Variants in UBR3 observed in about 807,000 individuals in gnomAD.
UBR3 encodes the protein E3 ubiquitin-protein ligase UBR3.
Under a neutral mutation model 243.2 loss-of-function variants are expected in UBR3, and 85 were observed. That is an observed-to-expected ratio of 0.35 (90% confidence interval 0.29 to 0.42). The LOEUF (loss-of-function observed/expected upper bound fraction) is 0.42. UBR3 is among the 10% of genes least tolerant of loss of function. The probability of loss-of-function intolerance (pLI) is 1.00; values close to 1 mark genes in which losing one functional copy is unlikely to be tolerated. For synonymous variants in UBR3, 748 were observed against 799.8 expected, an observed-to-expected ratio of 0.94 and a Z score of 1.09; for missense variants, 1,686 against 2,300.8, an observed-to-expected ratio of 0.73 and a Z score of 5.47.
chr2:169,978,973 A>T (rs1045559747), intron 24 of UBR3, among the ~76,000 whole-genome samples: 2 of 152,184 alleles, frequency 1.3e-5, no homozygotes, highest in East Asian at 3.8e-4. Flanking sequence ...AGAGAATGAA[A>T]TGATAAGCCA....
Position 170,079,978 on chromosome 2 carries a change from G to C in UBR3, c.5364G>C (p.Leu1788=). The C allele has an allele frequency of 6.2e-7, 1 of 1,614,036 alleles. No individual in the cohort carries two copies. The highest frequency in any genetic ancestry group is 8.5e-7 in the Non-Finnish European group (1 of 1,179,964). ...TTGTGTGTGGTACTTTTGTATGCCT[G>C]AAAGGACTTTGCTGCAAGCAACAAA... ...VCLVCGTFVC[L]KGLCCKQQSY... The change falls in exon 37 of 39, where the codon CTG becomes CTC. Residue 1788 remains leucine (L), a synonymous_variant. Transcript: ENST00000272793.
At position 170,067,143 on chromosome 2, in the gene UBR3, A is replaced by G. The variant is rs988061030; in HGVS notation, c.5019+5700A>G. Among the ~76,000 whole-genome samples, 4 of 152,036 alleles carry G rather than the reference A, an allele frequency of 2.6e-5. 1 individual carries two copies. The highest frequency in any genetic ancestry group is 7.2e-5 in the African/African-American group (3 of 41,420). ...CATTTAGTTTGAACCCTGACCCTAC[A>G]CTGTTAACATCTGGACCCAGGCTAT... On this transcript the variant is annotated intron_variant, in intron 35 of 38. Transcript: ENST00000272793.
intron 35 of UBR3, among the ~76,000 whole-genome samples, chr2:170,062,999 T>C (rs187838320): frequency 1.3e-5 from 2 of 152,300 alleles, no homozygotes; most frequent in Non-Finnish European, 1.5e-5. Context: ...ATTTGGACCA[T>C]TGAAAGATGT....
chr2:169,952,700 A>C (rs2087093134), intron 23 of UBR3, among the ~76,000 whole-genome samples: 1 of 152,154 alleles, frequency 6.6e-6, no homozygotes, highest in South Asian at 2.1e-4. Context: ...TCTCAAAAAA[A>C]AAAGTTTGTT....
intron 35 of UBR3, among the ~76,000 whole-genome samples, chr2:170,068,400 A>C (rs1209689092): frequency 6.6e-6 from 1 of 152,128 alleles, no homozygotes; most frequent in African/African-American, 2.4e-5. Flanking sequence ...CTTTGGAGGC[A>C]GAAGTTGCAG....
In UBR3 at chr2:169,905,151, A is replaced by G. The variant is rs920220672; in HGVS notation, c.1503A>G (p.Gly501=). ...ENSLHVVVNC[G]EALLKNNTYW... The stretch of plus-strand genomic sequence containing the variant: ...GTTTACATGTGGTAGTGAACTGTGG[A>G]GAAGCATTACTGAAGAATAACACTT... The change falls in exon 9 of 39, where the codon GGA becomes GGG. Residue 501 remains glycine, a synonymous_variant. Transcript: ENST00000272793. 1.1e-4 allele frequency: 164 copies of G among 1,537,872 alleles called. No individual in the cohort carries two copies. Among genetic ancestry groups the G allele is most frequent in the Non-Finnish European group, 1.4e-4 (157 of 1,141,254 alleles).
chr2:169,879,604 T>C (rs1488563812), intron 5 of UBR3, among the ~76,000 whole-genome samples: 1 of 152,202 alleles, frequency 6.6e-6, no homozygotes, highest in East Asian at 1.9e-4. Flanking sequence ...TCTTAACTTC[T>C]TCATGTCTAC....
chr2:169,839,383 G>C (rs536318208), intron 1 of UBR3, among the ~76,000 whole-genome samples: 11 of 152,180 alleles, frequency 7.2e-5, no homozygotes, highest in African/African-American at 2.4e-4. Context: ...GGAGGAGGGG[G>C]ATAAAGATAA....
intron 1 of UBR3, 132 bp downstream of exon 1, chr2:169,828,184 G>A: frequency 9.1e-7 from 1 of 1,103,234 alleles, no homozygotes; most frequent in Non-Finnish European, 1.2e-6. Context: ...GCCACAGGGG[G>A]ATGGAGGTGA....
intron 32 of UBR3, among the ~76,000 whole-genome samples, chr2:170,055,250 T>C (rs1053102874): frequency 1.3e-5 from 2 of 152,186 alleles, no homozygotes; most frequent in Non-Finnish European, 2.9e-5. Context: ...AGGTCGAGGC[T>C]TCAGTAAACT....
At chr2:169,937,042 T>C (rs2086365884) in intron 19 of UBR3, among the ~76,000 whole-genome samples, 2 of 152,194 alleles carry the variant, frequency 1.3e-5, no homozygotes, top group South Asian at 4.1e-4. Flanking sequence ...TACCCAGTAA[T>C]AGGATGGCTG....
Position 170,062,162 on chromosome 2 carries a change from T to C in UBR3, c.5019+719T>C, listed in dbSNP as rs183121188. ...TTGTAGCCAGTTGTATTAAAATGGG[T>C]GAATGAATTATCACTGGTTTAATCT... On this transcript the variant is annotated intron_variant, in intron 35 of 38. Transcript: ENST00000272793. Among the ~76,000 whole-genome samples, 327 of 152,294 alleles carry C rather than the reference T, an allele frequency of 2.1e-3. 4 individuals carry two copies. Among genetic ancestry groups the C allele is most frequent in the Non-Finnish European group, 1.2e-3 (79 of 68,028 alleles).
chr2:170,041,871 T>G (rs1401602546), intron 32 of UBR3, among the ~76,000 whole-genome samples: 4 of 152,214 alleles, frequency 2.6e-5, no homozygotes, highest in African/African-American at 7.2e-5. Flanking sequence ...AATTATGACA[T>G]TCTGTAAAAA....
chr2:170,077,085 T>G (rs1338122936), intron 36 of UBR3: 1 of 383,858 alleles, frequency 2.6e-6, no homozygotes, highest in Non-Finnish European at 5.0e-6. Context: ...GAATTTTTTT[T>G]TCCATTTTAA....
intron 30 of UBR3, 23 bp from the exon 31 acceptor site, chr2:170,029,323 T>G (rs2090609893): frequency 1.9e-6 from 3 of 1,573,262 alleles, no homozygotes; most frequent in Non-Finnish European, 2.6e-6. Flanking sequence ...ACTTTCTAAT[T>G]ACCTTTTCTT....
chr2:170,055,515 T>A lies in UBR3; in HGVS notation c.4716T>A (p.Leu1572=). ...VLFTLLYTQA[L]AALSVKCSEE... ...TTACCCTACTGTACACACAGGCTCT[T>A]GCAGCACTCTCAGTTAAATGCAGCG... The change falls in exon 33 of 39, where the codon CTT becomes CTA. Residue 1572 remains leucine, a synonymous_variant. Coordinates refer to ENST00000272793, the MANE Select transcript of UBR3 (RefSeq NM_172070.4). 2 of 1,613,878 alleles carry A rather than the reference T, an allele frequency of 1.2e-6. No individual in the cohort carries two copies. Among genetic ancestry groups the A allele is most frequent in the East Asian group, 4.5e-5 (2 of 44,870 alleles).
intron 17 of UBR3, among the ~76,000 whole-genome samples, chr2:169,927,823 GT>G (rs1358607498): frequency 6.6e-6 from 1 of 152,046 alleles, no homozygotes; most frequent in Non-Finnish European, 1.5e-5. Context: ...CATTTTGAGG[GT>G]TTTTCTGTAG....
chr2:170,018,322 TA>T (rs776505796), intron 30 of UBR3, among the ~76,000 whole-genome samples: 15 of 152,228 alleles, frequency 9.9e-5, no homozygotes, highest in Non-Finnish European at 1.9e-4. Context: ...GGATACCAGT[TA>T]GCTCTTCTTT....
At chr2:169,939,434 ATTT>A (rs35441817) in intron 19 of UBR3, among the ~76,000 whole-genome samples, 1 of 141,568 alleles carries the variant, frequency 7.1e-6, no homozygotes. Context: ...AATTTTTTGT[ATTT>A]TTTTTTTTTT....
Sources: gnomAD v4.1 joint callset for allele counts (sites outside exome capture counted in the v4.1 genomes callset) on GRCh38, gnomAD v4.1.1 for gene constraint, MANE v1.5 for transcripts, NCBI Gene and HGNC (gene_info 2026-07-23, HGNC 2026-07-21) for gene names.